Variants in ADGRL3 observed in about 807,000 individuals in gnomAD.
ADGRL3 encodes adhesion G protein-coupled receptor L3, also known as calcium-independent alpha-latrotoxin receptor 3.
In ADGRL3, 62 loss-of-function variants were observed where a neutral mutation model predicts 153.5. That is an observed-to-expected ratio of 0.40 (90% CI 0.33 to 0.50). ADGRL3 has a LOEUF of 0.50. Among genes scored for constraint, ADGRL3 ranks in the 20% least tolerant of loss-of-function variants. ADGRL3 has a pLI of 0.47. For synonymous variants in ADGRL3, 710 were observed against 672.5 expected (o/e 1.06, Z -0.86); for missense variants, 1,641 against 1,859.4 (o/e 0.88, Z 2.16).
rs563346909 is a variant in ADGRL3 at position 61,461,035 on chromosome 4, A to C, written c.-173-36086A>C. Among the ~76,000 whole-genome samples, 194 of 152,268 alleles carry C rather than the reference A, an allele frequency of 1.3e-3. 2 individuals are homozygous for C. Among genetic ancestry groups the C allele is most frequent in the Middle Eastern group, 0.01 (3 of 294 alleles). On this transcript the variant is annotated intron_variant, in intron 2 of 26. Transcript: ENST00000683033. The stretch of plus-strand genomic sequence containing the variant: ...CAGTGAGTGGAGATTGCACCAGTGC[A>C]CTCCAGCCTGGGTGACAGAGTGAGA...
At chr4:61,372,199 T>C (rs2096540972) in intron 1 of ADGRL3, among the ~76,000 whole-genome samples, 1 of 152,148 alleles carries the variant, frequency 6.6e-6, no homozygotes, top group Non-Finnish European at 1.5e-5. Context: ...CTCAGAGTAA[T>C]TTGATCGTCT....
chr4:61,662,137 CT>C (rs1472137833), intron 5 of ADGRL3, among the ~76,000 whole-genome samples: 6 of 152,210 alleles, frequency 3.9e-5, no homozygotes, highest in Admixed American at 3.9e-4. Context: ...GTCCCATTCC[CT>C]TCTGAGGAGG....
intron 6 of ADGRL3, among the ~76,000 whole-genome samples, chr4:61,710,741 G>A (rs1428517029): frequency 6.6e-6 from 1 of 152,118 alleles, no homozygotes; most frequent in Non-Finnish European, 1.5e-5. Context: ...ATGTAGCACT[G>A]TATATTCACC....
At chr4:61,383,554 A>G (rs1424871672) in intron 2 of ADGRL3, among the ~76,000 whole-genome samples, 2 of 151,762 alleles carry the variant, frequency 1.3e-5, no homozygotes, top group East Asian at 1.9e-4. Context: ...ATGTAGAATA[A>G]CCATATTGAG....
At chr4:61,829,441 A>C (rs936844646) in intron 9 of ADGRL3, among the ~76,000 whole-genome samples, 1 of 152,152 alleles carries the variant, frequency 6.6e-6, no homozygotes, top group Non-Finnish European at 1.5e-5. Flanking sequence ...AAGTGGGAAA[A>C]TGTGAATAAC....
chr4:61,919,998 CAA>C (rs2098761344), intron 13 of ADGRL3, among the ~76,000 whole-genome samples: 1 of 152,074 alleles, frequency 6.6e-6, no homozygotes, highest in South Asian at 2.1e-4. Context: ...TCATCTAAAA[CAA>C]AAATATTTTC....
intron 25 of ADGRL3, among the ~76,000 whole-genome samples, chr4:62,046,981 G>A (rs1313922337): frequency 6.6e-6 from 1 of 151,812 alleles, no homozygotes; most frequent in East Asian, 1.9e-4. Flanking sequence ...ATTTAGGTAG[G>A]TGACATCGAA....
intron 15 of ADGRL3, among the ~76,000 whole-genome samples, chr4:61,939,329 T>TATCAC (rs1246771990): frequency 2.6e-5 from 4 of 152,200 alleles, no homozygotes; most frequent in Non-Finnish European, 4.4e-5. Flanking sequence ...AATTTTATAA[T>TATCAC]ATCACAAAAA....
intron 1 of ADGRL3, among the ~76,000 whole-genome samples, chr4:61,345,545 G>T (rs2095883399): frequency 6.6e-6 from 1 of 152,226 alleles, no homozygotes; most frequent in South Asian, 2.1e-4. Context: ...AATAGCAAAA[G>T]CTCTATGATT....
intron 4 of ADGRL3, among the ~76,000 whole-genome samples, chr4:61,578,466 G>A (rs1320247650): frequency 6.6e-6 from 1 of 151,886 alleles, no homozygotes; most frequent in African/African-American, 2.4e-5. Flanking sequence ...ACCCTAATCT[G>A]TTTAAATAAT....
At chr4:61,858,643 A>T (rs552583729) in intron 9 of ADGRL3, among the ~76,000 whole-genome samples, 5 of 152,214 alleles carry the variant, frequency 3.3e-5, no homozygotes, top group Non-Finnish European at 7.3e-5. Flanking sequence ...CAAAAACTTT[A>T]TGAATATTAA....
intron 13 of ADGRL3, among the ~76,000 whole-genome samples, chr4:61,921,640 T>C (rs1371510802): frequency 6.6e-6 from 1 of 152,186 alleles, no homozygotes; most frequent in Non-Finnish European, 1.5e-5. Context: ...TCTCCTGACC[T>C]CGTGATTCAT....
At chr4:61,648,015 C>A (rs1372895337) in intron 5 of ADGRL3, among the ~76,000 whole-genome samples, 2 of 152,118 alleles carry the variant, frequency 1.3e-5, no homozygotes, top group Admixed American at 6.5e-5. Flanking sequence ...ACAACATATT[C>A]TTATAAAATG....
intron 2 of ADGRL3, among the ~76,000 whole-genome samples, chr4:61,477,053 G>A (rs1353384726): frequency 6.6e-6 from 1 of 151,540 alleles, no homozygotes; most frequent in African/African-American, 2.4e-5. Context: ...CTTGAAAAAA[G>A]CACCATTCAG....
At chr4:61,760,733 C>T (rs2096902298) in intron 8 of ADGRL3, among the ~76,000 whole-genome samples, 1 of 152,230 alleles carries the variant, frequency 6.6e-6, no homozygotes, top group African/African-American at 2.4e-5. Flanking sequence ...AGAAATCACT[C>T]ATCTTCTGGG....
intron 1 of ADGRL3, among the ~76,000 whole-genome samples, chr4:61,282,204 G>A (rs2093747816): frequency 6.6e-6 from 1 of 152,050 alleles, no homozygotes; most frequent in South Asian, 2.1e-4. Context: ...GGCTTCATGA[G>A]TAGTCTGTAA....
chr4:61,924,764 C>T (rs1581484012), intron 13 of ADGRL3, among the ~76,000 whole-genome samples: 1 of 152,272 alleles, frequency 6.6e-6, no homozygotes, highest in East Asian at 1.9e-4. Flanking sequence ...TTACTCAATT[C>T]CTTTGTCTTT....
At chr4:61,344,175 T>G (rs1277895259) in intron 1 of ADGRL3, among the ~76,000 whole-genome samples, 1 of 152,232 alleles carries the variant, frequency 6.6e-6, no homozygotes, top group Non-Finnish European at 1.5e-5. Context: ...TGGCAAGTAA[T>G]TCCTTATTCC....
At chr4:61,289,586 GT>G (rs1174561492) in intron 1 of ADGRL3, among the ~76,000 whole-genome samples, 1 of 151,864 alleles carries the variant, frequency 6.6e-6, no homozygotes, top group African/African-American at 2.4e-5. Flanking sequence ...TAAGGTAATT[GT>G]TTTTTTCTCT....
Sources: gnomAD v4.1 joint callset for allele counts (sites outside exome capture counted in the v4.1 genomes callset) on GRCh38, gnomAD v4.1.1 for gene constraint, MANE v1.5 for transcripts, NCBI Gene and HGNC (gene_info 2026-07-23, HGNC 2026-07-21) for gene names.